The following SLFN13 variants were observed in gnomAD, a reference collection of about 807,000 sequenced individuals.
SLFN13 encodes the protein schlafen-13.
Under a neutral mutation model 50.6 loss-of-function variants are expected in SLFN13, and 43 were observed. The observed-to-expected ratio is 0.85, with a 90% CI of 0.67 to 1.09. The LOEUF (loss-of-function observed/expected upper bound fraction) is 1.09. Ranked by LOEUF, SLFN13 falls within the 50% of genes least tolerant of loss-of-function variation. The pLI is 0.00. For missense variants in SLFN13, 881 were observed against 1,071.1 expected, an observed-to-expected ratio of 0.82 and a Z score of 2.48; for synonymous variants, 339 against 386.5, an observed-to-expected ratio of 0.88 and a Z score of 1.44.
At chr17:35,448,005 C>T (rs746116645) in intron 1 of SLFN13, among the ~76,000 whole-genome samples, 21 of 151,124 alleles carry the variant, frequency 1.4e-4, no homozygotes, top group Non-Finnish European at 3.1e-4. Context: ...CACAGGTGCG[C>T]GCCACCAGGC....
At chr17:35,442,993 C>G (rs1284998382) in intron 4 of SLFN13, among the ~76,000 whole-genome samples, 1 of 152,098 alleles carries the variant, frequency 6.6e-6, no homozygotes, top group Non-Finnish European at 1.5e-5. Flanking sequence ...GTAAACAGAC[C>G]TAAGGAAGGC....
At chr17:35,442,637 G>A (rs1324892710) in intron 4 of SLFN13, among the ~76,000 whole-genome samples, 1 of 152,138 alleles carries the variant, frequency 6.6e-6, no homozygotes, top group African/African-American at 2.4e-5. Context: ...TAGAGACAGG[G>A]TTTCCCCATG....
In SLFN13 at chr17:35,444,738, T is replaced by C. The variant is rs1340624035; in HGVS notation, c.943A>G (p.Lys315Glu). 7.4e-6 allele frequency: 12 copies of C among 1,614,088 alleles called. No homozygotes were observed. Among genetic ancestry groups the C allele is most frequent in the African/African-American group, 1.3e-5 (1 of 74,920 alleles). Reference sequence around the variant, plus strand: ...ACCACACAACAGAATGCCTTCACTTTAATCACACAGAGATAGCCATACAAC... The same window carrying C: ...ACCACACAACAGAATGCCTTCACTTCAATCACACAGAGATAGCCATACAAC... The part of the protein sequence containing the change: ...KELYGYLCVI[K>E]VKAFCCVVFS... The change falls in exon 3 of 6, where the codon AAA becomes GAA. Residue 315 changes from lysine to glutamate, a missense_variant. By Grantham distance (56) the Lys-to-Glu change is moderately conservative. This residue lies in a region of SLFN13 where 497 missense variants were observed against 518.3 expected (regional missense o/e 0.96). Coordinates refer to ENST00000285013, the MANE Select transcript of SLFN13 (RefSeq NM_144682.6).
chr17:35,442,920 A>G (rs1343077601), intron 4 of SLFN13, among the ~76,000 whole-genome samples: 3 of 152,236 alleles, frequency 2.0e-5, no homozygotes, highest in African/African-American at 7.2e-5. Flanking sequence ...TGGAATGTTT[A>G]AAAACTTTTC....
rs116096374 is a variant in SLFN13 at position 35,445,464 on chromosome 17, T to C, written c.217A>G (p.Thr73Ala). ...MEMANRDERP[T>A]EMGLDLEESL... Reference sequence around the variant, plus strand: ...TCTTCTAAATCCAGTCCCATCTCTGTGGGACGCTCATCCCTGTTGGCCATT... The same window carrying C: ...TCTTCTAAATCCAGTCCCATCTCTGCGGGACGCTCATCCCTGTTGGCCATT... Residue 73 changes from threonine (T) to alanine (A), a missense_variant, in exon 3 of 6, where the codon ACA becomes GCA. Thr to Ala is a moderately conservative substitution (Grantham distance 58). Transcript: ENST00000285013. 6.2e-7 allele frequency: 1 copy of C among 1,614,188 alleles called. No homozygotes were observed. The highest frequency in any genetic ancestry group is 1.1e-5 in the South Asian group (1 of 91,084).
At chr17:35,444,035 G>A (rs1271284527) in intron 3 of SLFN13, 115 bp from the exon 4 acceptor site, 2 of 1,008,476 alleles carry the variant, frequency 2.0e-6, no homozygotes, top group Non-Finnish European at 2.8e-6. Context: ...AGGCCACAAA[G>A]TCAGATGCTT....
upstream of SLFN13, among the ~76,000 whole-genome samples, chr17:35,449,044 T>TACTACA (rs143187398): frequency 1.5e-4 from 22 of 148,288 alleles, no homozygotes; most frequent in African/African-American, 5.5e-4. Context: ...CCCCCGTCTG[T>TACTACA]ACAACAACAA....
At chr17:35,449,412 A>C (rs907715232), upstream of SLFN13, among the ~76,000 whole-genome samples, 4 of 151,796 alleles carry the variant, frequency 2.6e-5, no homozygotes, top group African/African-American at 9.7e-5. Flanking sequence ...GGTCCAGCCA[A>C]GCTCTCGCCC....
intron 4 of SLFN13, among the ~76,000 whole-genome samples, chr17:35,442,870 G>A (rs887182532): frequency 2.0e-5 from 3 of 152,294 alleles, no homozygotes; most frequent in African/African-American, 7.2e-5. Context: ...GAAAGTGAAA[G>A]CCATGTATTC....
At position 35,440,435 on chromosome 17, in the gene SLFN13, A is replaced by T; in HGVS notation, c.*160T>A. 2.3e-6 allele frequency: 2 copies of T among 857,754 alleles called. No homozygotes were observed. The highest frequency in any genetic ancestry group is 3.6e-6 in the Non-Finnish European group (2 of 562,236). The allele number at this position is 857,754 out of a possible 1,614,324, so 53.1% of individuals were successfully genotyped here. ...AAGAGTTGGGGGAGGAACCCCTGAA[A>T]GGAGAGCCAGAAATGGGGGAGCTCC... On this transcript the variant is annotated 3_prime_UTR_variant, in exon 6 of 6. Transcript: ENST00000285013.
chr17:35,442,157 C>A lies in SLFN13; in HGVS notation c.1328G>T (p.Arg443Ile). ...CAAGTTCAGGTCCACAGCCCAGCTT[C>A]TAGAGAGGATCACAATTCCCTGGGA... ...PFSQGIVILSRSWAVDLNLQE... is the reference protein window; with the variant it reads ...PFSQGIVILSISWAVDLNLQE... Residue 443 changes from arginine (R) to isoleucine (I), a missense_variant, in exon 5 of 6, where the codon AGA (arginine) becomes ATA (isoleucine). Arg to Ile is a moderately conservative substitution (Grantham distance 97). Transcript: ENST00000285013. 6.2e-7 allele frequency: 1 copy of A among 1,614,204 alleles called. No homozygotes were observed. The highest frequency in any genetic ancestry group is 8.5e-7 in the Non-Finnish European group (1 of 1,180,042).
At chr17:35,445,728 T>G (rs775996060) in intron 2 of SLFN13, 35 bp from the exon 3 acceptor site, 48 of 1,473,290 alleles carry the variant, frequency 3.3e-5, no homozygotes, top group South Asian at 2.1e-4. Context: ...CATTTTTGAT[T>G]AAAAAATTGT....
At chr17:35,444,366 G>A (rs940170014) in intron 3 of SLFN13, among the ~76,000 whole-genome samples, 1 of 152,082 alleles carries the variant, frequency 6.6e-6, no homozygotes, top group African/African-American at 2.4e-5. Context: ...CCAATTCAAT[G>A]GTTTTATTAA....
intron 4 of SLFN13, among the ~76,000 whole-genome samples, chr17:35,443,493 C>T (rs1183956513): frequency 2.0e-5 from 3 of 152,078 alleles, no homozygotes; most frequent in African/African-American, 7.2e-5. Flanking sequence ...GGAAGCTTGC[C>T]CAAATGCATA....
Position 35,442,080 on chromosome 17 carries a change from T to C in SLFN13, c.1405A>G (p.Thr469Ala). The C allele has an allele frequency of 6.2e-7, 1 of 1,614,238 alleles. No individual in the cohort carries two copies. The highest frequency in any genetic ancestry group is 1.7e-5 in the Admixed American group (1 of 60,028). The stretch of plus-strand genomic sequence containing the variant: ...CTGAGAATGGTGTAGAGAATGGGGG[T>C]GCTGTTCTGTGCTATCAGCAGAGCA... ...CDALLIAQNS[T>A]PILYTILREQ... The change falls in exon 5 of 6, where the codon ACC becomes GCC. Residue 469 changes from threonine to alanine, a missense_variant. Thr to Ala is a moderately conservative substitution (Grantham distance 58). Coordinates refer to ENST00000285013, the MANE Select transcript of SLFN13 (RefSeq NM_144682.6).
At chr17:35,442,671 C>A (rs1470875242) in intron 4 of SLFN13, among the ~76,000 whole-genome samples, 1 of 152,124 alleles carries the variant, frequency 6.6e-6, no homozygotes, top group Non-Finnish European at 1.5e-5. Flanking sequence ...TCTCGATCTC[C>A]TGACCTCATG....
intron 2 of SLFN13, 73 bp downstream of exon 2, chr17:35,447,195 T>C (rs1054253054): frequency 1.3e-5 from 2 of 152,168 alleles, no homozygotes; most frequent in East Asian, 1.9e-4. Context: ...CTAAATAAAA[T>C]TGAAACCCTA....
At position 35,435,240 on chromosome 17, in the gene SLFN13, A is replaced by G. The variant is rs1454340885; in HGVS notation, c.*5355T>C. The G allele has an allele frequency of 2.0e-5, 3 of 152,054 alleles. No individual in the cohort carries two copies. The highest frequency in any genetic ancestry group is 3.9e-4 in the East Asian group (2 of 5,188). The allele number at this position is 152,054 out of a possible 1,614,324, so 9.4% of individuals were successfully genotyped here. A position where few individuals can be genotyped will look rare whatever the true frequency, so the allele number is the denominator to read the frequency against. On this transcript the variant is annotated 3_prime_UTR_variant, in exon 6 of 6. Transcript: ENST00000285013. ...TAACAATAAGCCTCTCCTCAGAGGT[A>G]AAACACCATATCAAAGTTTACATTG...
Position 35,444,785 on chromosome 17 carries a change from A to G in SLFN13, c.896T>C (p.Val299Ala), listed in dbSNP as rs201028252. 1 of 1,614,210 alleles carries G rather than the reference A, an allele frequency of 6.2e-7. No individual in the cohort carries two copies. Among genetic ancestry groups the G allele is most frequent in the East Asian group, 2.2e-5 (1 of 44,884 alleles). Residue 299 changes from valine to alanine, a missense_variant, in exon 3 of 6, where the codon GTA becomes GCA. Physicochemically the swap from Val to Ala is moderately conservative, Grantham distance 64. Around this residue, in one of 5 missense-constraint regions of SLFN13, gnomAD observed 497 missense variants for 518.3 expected, o/e 0.96. Transcript: ENST00000285013. ...CAACTCTTTCCCACAAAACACTTCT[A>G]CGATTTTGGTGCTGTACTCTACCCG... ...KPRVEYSTKI[V>A]EVFCGKELYG...
Sources: allele counts gnomAD v4.1 joint callset (sites outside exome capture counted in the v4.1 genomes callset), GRCh38; gene constraint gnomAD v4.1.1; regional missense constraint gnomAD v4.1.1; transcripts MANE v1.5; gene names NCBI Gene and HGNC (gene_info 2026-07-23, HGNC 2026-07-21).